DGKB: variants seen among roughly 807,000 people sequenced by gnomAD.
DGKB encodes 90 kDa diacylglycerol kinase.
A neutral mutation model predicts 114.3 loss-of-function variants in DGKB; 67 were observed. That is an observed-to-expected ratio of 0.59 (90% CI 0.48 to 0.72). DGKB has a LOEUF of 0.72. DGKB is among the 30% of genes least tolerant of loss of function. The pLI, the probability that DGKB is intolerant of heterozygous loss-of-function variation, is 0.00. For synonymous variants in DGKB, 398 were observed against 323.1 expected (o/e 1.23, Z -2.49); for missense variants, 907 against 975.2 (o/e 0.93, Z 0.93).
chr7:14,270,430 G>A (rs1798114816), intron 23 of DGKB, among the ~76,000 whole-genome samples: 1 of 152,068 alleles, frequency 6.6e-6, no homozygotes, highest in Non-Finnish European at 1.5e-5. Context: ...TGTGTAATGT[G>A]GGTCAGGGTC....
At chr7:14,401,372 G>C (rs139481542) in intron 21 of DGKB, among the ~76,000 whole-genome samples, 2 of 151,946 alleles carry the variant, frequency 1.3e-5, no homozygotes, top group East Asian at 3.9e-4. Flanking sequence ...TAACACAAGA[G>C]AGCCAACATA....
chr7:14,880,329 A>G (rs1004622277), intron 1 of DGKB, among the ~76,000 whole-genome samples: 2 of 152,104 alleles, frequency 1.3e-5, no homozygotes, highest in Admixed American at 1.3e-4. Context: ...ATGGTGGCAT[A>G]CACCTGTAGT....
chr7:14,686,994 A>G (rs1821812502), intron 9 of DGKB, among the ~76,000 whole-genome samples: 1 of 151,784 alleles, frequency 6.6e-6, no homozygotes, highest in Non-Finnish European at 1.5e-5. Flanking sequence ...AAAAATAATC[A>G]CTCCCTTGTA....
At chr7:14,916,946 T>C (rs1784267695) in intron 1 of DGKB, among the ~76,000 whole-genome samples, 1 of 151,918 alleles carries the variant, frequency 6.6e-6, no homozygotes, top group African/African-American at 2.4e-5. Flanking sequence ...AAGTATGCTC[T>C]CAAATGGAAC....
intron 13 of DGKB, among the ~76,000 whole-genome samples, chr7:14,653,763 T>G (rs1021299102): frequency 4.0e-5 from 6 of 151,712 alleles, no homozygotes; most frequent in Non-Finnish European, 8.8e-5. Context: ...ATCAATAGAA[T>G]AAAGGAAAAA....
chr7:14,941,337 A>T (rs1411278569), intron 1 of DGKB, among the ~76,000 whole-genome samples: 1 of 152,072 alleles, frequency 6.6e-6, no homozygotes, highest in East Asian at 1.9e-4. Flanking sequence ...CCACAGAAGT[A>T]TTTGATATGT....
chr7:14,810,620 A>T (rs1843309946), intron 2 of DGKB, among the ~76,000 whole-genome samples: 1 of 152,132 alleles, frequency 6.6e-6, no homozygotes, highest in South Asian at 2.1e-4. Flanking sequence ...CTTGAGACAG[A>T]GTCTCACACT....
chr7:14,718,959 T>C, intron 5 of DGKB: 1 of 256,618 alleles, frequency 3.9e-6, no homozygotes. Context: ...GGTGAGTTGG[T>C]ACACATTTGA....
In DGKB at chr7:14,520,326, T is replaced by A. The variant is rs371962614; in HGVS notation, c.1771-42101A>T. Among the ~76,000 whole-genome samples, 9 of 151,614 alleles carry A rather than the reference T, an allele frequency of 5.9e-5. No homozygotes were observed. In the East Asian group the frequency reaches 1.6e-3, roughly 26 times the overall value. On this transcript the variant is annotated intron_variant, in intron 20 of 25. Transcript: ENST00000402815. ...TCTCTACTATTTTTCAACTTTATAT[T>A]TCATTGATTTGTGTTCTAATGTTTA...
intron 13 of DGKB, among the ~76,000 whole-genome samples, chr7:14,652,871 G>A (rs1269372885): frequency 1.3e-5 from 2 of 152,090 alleles, no homozygotes; most frequent in African/African-American, 4.8e-5. Context: ...CTCAAAAGAA[G>A]ACATTTATGC....
intron 4 of DGKB, among the ~76,000 whole-genome samples, chr7:14,747,779 G>GCGCGCA (rs1554636463): frequency 1.4e-3 from 204 of 148,600 alleles, no homozygotes; most frequent in African/African-American, 4.7e-3. Context: ...CCACGCGCAC[G>GCGCGCA]CACACACACA....
chr7:14,948,797 T>C (rs1342004185), intron 1 of DGKB, among the ~76,000 whole-genome samples: 1 of 151,846 alleles, frequency 6.6e-6, no homozygotes, highest in African/African-American at 2.4e-5. Context: ...AATAAGTTAA[T>C]ATCAGACTTC....
chr7:14,780,484 C>A (rs1357851888), intron 2 of DGKB, among the ~76,000 whole-genome samples: 1 of 152,158 alleles, frequency 6.6e-6, no homozygotes, highest in African/African-American at 2.4e-5. Context: ...CCTGAGAGAG[C>A]AGTTGTGATG....
chr7:14,472,227 G>A (rs779165093), intron 21 of DGKB, among the ~76,000 whole-genome samples: 1 of 152,144 alleles, frequency 6.6e-6, no homozygotes, highest in African/African-American at 2.4e-5. Context: ...TCCACATGTT[G>A]TGTGAGGTAC....
chr7:14,288,219 GT>G (rs57856236), intron 23 of DGKB, among the ~76,000 whole-genome samples: 5,733 of 106,270 alleles, frequency 0.054, 401 homozygotes, highest in African/African-American at 0.19. Context: ...TTGATAATCT[GT>G]TTTTTTTTTT....
intron 10 of DGKB, among the ~76,000 whole-genome samples, chr7:14,683,517 G>A (rs996576462): frequency 6.6e-6 from 1 of 152,038 alleles, no homozygotes; most frequent in Non-Finnish European, 1.5e-5. Context: ...ATACGTGTCA[G>A]AAAACCAAGA....
intron 20 of DGKB, among the ~76,000 whole-genome samples, chr7:14,523,803 G>C (rs965727943): frequency 7.9e-5 from 12 of 152,112 alleles, no homozygotes; most frequent in African/African-American, 2.7e-4. Flanking sequence ...TTTAGAGTCA[G>C]ACATATCAGT....
intron 13 of DGKB, among the ~76,000 whole-genome samples, chr7:14,637,510 C>G (rs181460651): frequency 1.1e-3 from 159 of 151,030 alleles, no homozygotes; most frequent in Non-Finnish European, 1.9e-3. Flanking sequence ...ATGTTTAACT[C>G]TATAAGATTA....
chr7:14,514,156 T>G (rs1260810919), intron 20 of DGKB, among the ~76,000 whole-genome samples: 2 of 152,092 alleles, frequency 1.3e-5, no homozygotes, highest in East Asian at 3.8e-4. Context: ...TATAGTTCTA[T>G]CCAATGAAAT....
Sources: gnomAD v4.1 joint callset for allele counts (sites outside exome capture counted in the v4.1 genomes callset) on GRCh38, gnomAD v4.1.1 for gene constraint, MANE v1.5 for transcripts, NCBI Gene and HGNC (gene_info 2026-07-23, HGNC 2026-07-21) for gene names.